Variants in LRTM2 observed in about 807,000 individuals in gnomAD.
LRTM2 encodes the protein leucine-rich repeat and transmembrane domain-containing protein 2.
LRTM2 carries 18 observed loss-of-function variants against 28.1 expected under a neutral mutation model. That is an observed-to-expected ratio of 0.64 (90% confidence interval 0.44 to 0.95). LRTM2 has a LOEUF of 0.95. Among genes scored for constraint, LRTM2 ranks in the 40% least tolerant of loss-of-function variants. LRTM2 has a pLI of 0.00. For synonymous variants in LRTM2, 250 were observed against 218.7 expected (o/e 1.14, Z -1.26); for missense variants, 436 against 497.2 (o/e 0.88, Z 1.17).
rs759826864 is a variant in LRTM2, at chr12:1,831,035, C to T, written c.168C>T (p.Gly56=). 4.3e-6 allele frequency: 7 copies of T among 1,614,136 alleles called. No homozygotes were observed. Among genetic ancestry groups the T allele is most frequent in the South Asian group, 3.3e-5 (3 of 91,090 alleles). The change falls in exon 4 of 5, where the codon GGC becomes GGT. Residue 56 remains glycine, a synonymous_variant. Transcript: ENST00000299194. ...DSRSLEVDCS[G]LGLTTVPPDV... ...GCAGCCTGGAGGTGGACTGCAGTGGCCTTGGCCTCACCACGGTGCCCCCAG... is the reference window on the plus strand; with the variant it reads ...GCAGCCTGGAGGTGGACTGCAGTGGTCTTGGCCTCACCACGGTGCCCCCAG...
chr12:1,826,103 C>T (rs752036024), intron 1 of LRTM2, among the ~76,000 whole-genome samples: 38 of 152,028 alleles, frequency 2.5e-4, no homozygotes, highest in East Asian at 1.2e-3. Context: ...TTGGTGGGAT[C>T]GGGAAAGAAA....
intron 1 of LRTM2, among the ~76,000 whole-genome samples, chr12:1,825,219 G>C (rs1035360039): frequency 6.6e-6 from 1 of 152,210 alleles, no homozygotes; most frequent in Non-Finnish European, 1.5e-5. Context: ...GGCTCACAGT[G>C]TGGGAGACAC....
Position 1,831,203 on chromosome 12 carries a change from C to T in LRTM2, c.336C>T (p.Phe112=), listed in dbSNP as rs560557931. 46 of 1,613,862 alleles carry T rather than the reference C, an allele frequency of 2.9e-5. No individual in the cohort carries two copies. In the East Asian group the frequency reaches 4.9e-4, roughly 17 times the overall value. Residue 112 remains phenylalanine, a synonymous_variant, in exon 4 of 5, where the codon TTC becomes TTT. Transcript: ENST00000299194. ...NFLDRLPRSI[F]GDLTNLTELQ... ...TGGACCGGCTGCCCCGCTCCATTTT[C>T]GGGGACCTGACGAATCTGACTGAGC...
Position 1,836,607 on chromosome 12 carries a change from T to C in LRTM2, c.*1886T>C, listed in dbSNP as rs2154447467. Reference sequence around the variant, plus strand: ...TTTTGGCGTGTGGGCTGGTACCAGATCTGGGGATTTTCTAAAGGGACTGGG... The same window carrying C: ...TTTTGGCGTGTGGGCTGGTACCAGACCTGGGGATTTTCTAAAGGGACTGGG... On this transcript the variant is annotated 3_prime_UTR_variant, in exon 5 of 5. Transcript: ENST00000299194. 1 of 152,628 alleles carries C rather than the reference T, an allele frequency of 6.6e-6. No homozygotes were observed. The highest frequency in any genetic ancestry group is 1.5e-5 in the Non-Finnish European group (1 of 68,058). The allele number at this position is 152,628 out of a possible 1,614,324, so 9.5% of individuals were successfully genotyped here. A position where few individuals can be genotyped will look rare whatever the true frequency, so the allele number is the denominator to read the frequency against.
chr12:1,824,335 C>T (rs974466992), intron 1 of LRTM2, among the ~76,000 whole-genome samples: 1 of 152,184 alleles, frequency 6.6e-6, no homozygotes, highest in Non-Finnish European at 1.5e-5. Context: ...TACAAGGCTC[C>T]CAAGCTAGAC....
At position 1,834,287 on chromosome 12, in the gene LRTM2, G is replaced by T; in HGVS notation, c.679G>T (p.Ala227Ser). The T allele has an allele frequency of 6.3e-7, 1 of 1,594,592 alleles. No homozygotes were observed. Among genetic ancestry groups the T allele is most frequent in the South Asian group, 1.1e-5 (1 of 88,076 alleles). Reference protein sequence around the residue: ...SYRGGRLDQLACTLPKELRGK... With the variant: ...SYRGGRLDQLSCTLPKELRGK... Reference sequence around the variant, plus strand: ...TGTAGGGGGACGCTTGGACCAGCTTGCCTGCACCCTGCCCAAGGAGCTGAG... The same window carrying T: ...TGTAGGGGGACGCTTGGACCAGCTTTCCTGCACCCTGCCCAAGGAGCTGAG... Residue 227 changes from alanine to serine, a missense_variant, in exon 5 of 5, where the codon GCC becomes TCC. Ala to Ser is a moderately conservative substitution (Grantham distance 99, BLOSUM62 1). Coordinates refer to ENST00000299194, the MANE Select transcript of LRTM2 (RefSeq NM_001039029.3). The surrounding 1 kb of genome is among the most constrained non-coding windows in gnomAD (Gnocchi z 7.6).
At chr12:1,821,509 A>T (rs548737858) in intron 1 of LRTM2, among the ~76,000 whole-genome samples, 220 of 152,342 alleles carry the variant, frequency 1.4e-3, no homozygotes, top group African/African-American at 4.8e-3. Context: ...AGGGCAAGAC[A>T]GGAGAACCAG....
intron 1 of LRTM2, among the ~76,000 whole-genome samples, chr12:1,825,931 CTGAG>C (rs1262515479): frequency 1.2e-4 from 19 of 152,314 alleles, no homozygotes; most frequent in Non-Finnish European, 1.2e-4. Flanking sequence ...ACATTCTTGA[CTGAG>C]TAAGAGAGAT....
At chr12:1,823,885 C>G (rs542921109) in intron 1 of LRTM2, among the ~76,000 whole-genome samples, 4 of 152,232 alleles carry the variant, frequency 2.6e-5, no homozygotes, top group Non-Finnish European at 5.9e-5. Flanking sequence ...TTTCCTACCT[C>G]TGCCTTTCCT....
Position 1,835,033 on chromosome 12 carries a change from T to G in LRTM2, c.*312T>G. ...CAAGAGGAGGCTTCCGGACTGGGCA[T>G]TCCCCTGTCGCCCTTCCTGCCCTGG... is the stretch of plus-strand genomic sequence containing the variant. On this transcript the variant is annotated 3_prime_UTR_variant, in exon 5 of 5. Transcript: ENST00000299194. 3.1e-6 allele frequency: 1 copy of G among 325,934 alleles called. No homozygotes were observed. The highest frequency in any genetic ancestry group is 5.6e-6 in the Non-Finnish European group (1 of 178,964). The allele number at this position is 325,934 out of a possible 1,614,324, so 20.2% of individuals were successfully genotyped here. A position where few individuals can be genotyped will look rare whatever the true frequency, so the allele number is the denominator to read the frequency against.
At position 1,835,023 on chromosome 12, in the gene LRTM2, G is replaced by A. The variant is rs983704132; in HGVS notation, c.*302G>A. 2.7e-5 allele frequency: 10 copies of A among 372,040 alleles called. No individual in the cohort carries two copies. The highest frequency in any genetic ancestry group is 2.6e-4 in the South Asian group (5 of 18,892). The allele number at this position is 372,040 out of a possible 1,614,324, so 23.0% of individuals were successfully genotyped here. On this transcript the variant is annotated 3_prime_UTR_variant, in exon 5 of 5. Transcript: ENST00000299194. ...GAGGTGTGTGCAAGAGGAGGCTTCC[G>A]GACTGGGCATTCCCCTGTCGCCCTT...
Position 1,834,403 on chromosome 12 carries a change from T to C in LRTM2, c.795T>C (p.Pro265=), listed in dbSNP as rs1864760858. The C allele has an allele frequency of 6.2e-7, 1 of 1,613,010 alleles. No individual in the cohort carries two copies. The highest frequency in any genetic ancestry group is 8.5e-7 in the Non-Finnish European group (1 of 1,179,992). ...ATAGCTCAGCTGGGCTGGATATTCC[T>C]GGGCCACCCTGCACCAAGGCCAGTC... ...DENSSAGLDI[P]GPPCTKASPE... Residue 265 remains proline (P), a synonymous_variant, in exon 5 of 5, where the codon CCT becomes CCC. Coordinates refer to ENST00000299194, the MANE Select transcript of LRTM2 (RefSeq NM_001039029.3). The surrounding 1 kb of genome is among the most constrained non-coding windows in gnomAD (Gnocchi z 7.6).
chr12:1,828,950 G>C lies in LRTM2; in HGVS notation c.67+735G>C, dbSNP rs1184008236. Among the ~76,000 whole-genome samples, 1 of 152,218 alleles carries C rather than the reference G, an allele frequency of 6.6e-6. No individual in the cohort carries two copies. Among genetic ancestry groups the C allele is most frequent in the Non-Finnish European group, 1.5e-5 (1 of 68,036 alleles). On this transcript the variant is annotated intron_variant, in intron 3 of 4. Transcript: ENST00000299194. The surrounding 1 kb of genome is among the most constrained non-coding windows in gnomAD (Gnocchi z 4.2). Reference sequence around the variant, plus strand: ...CTGCCCAAGGCTACACGGTGGCAGGGAGGAAACGGTCCCGCGGGACGGCAT... The same window carrying C: ...CTGCCCAAGGCTACACGGTGGCAGGCAGGAAACGGTCCCGCGGGACGGCAT...
intron 4 of LRTM2, among the ~76,000 whole-genome samples, chr12:1,832,852 A>G (rs7961866): frequency 0.12 from 17,811 of 152,310 alleles, 1,438 homozygotes; most frequent in Non-Finnish European, 0.17. Context: ...TAAATAAATT[A>G]AATAATTTTC....
chr12:1,830,822 T>G (rs1864588530), intron 3 of LRTM2, 113 bp from the exon 4 acceptor site: 1 of 853,766 alleles, frequency 1.2e-6, no homozygotes. Context: ...TTGTGGCTTG[T>G]GCCAAAGGAG....
chr12:1,831,207 G>A lies in LRTM2; in HGVS notation c.340G>A (p.Asp114Asn), dbSNP rs1161049823. 3.7e-6 allele frequency: 6 copies of A among 1,613,818 alleles called. No individual in the cohort carries two copies. Among genetic ancestry groups the A allele is most frequent in the Non-Finnish European group, 5.1e-6 (6 of 1,180,020 alleles). Reference protein sequence around the residue: ...LDRLPRSIFGDLTNLTELQLR... With the variant: ...LDRLPRSIFGNLTNLTELQLR... Reference sequence around the variant, plus strand: ...CCGGCTGCCCCGCTCCATTTTCGGGGACCTGACGAATCTGACTGAGCTTCA... The same window carrying A: ...CCGGCTGCCCCGCTCCATTTTCGGGAACCTGACGAATCTGACTGAGCTTCA... Residue 114 changes from aspartate (D) to asparagine (N), a missense_variant, in exon 4 of 5, where the codon GAC (aspartate) becomes AAC (asparagine). By Grantham distance (23) the Asp-to-Asn change is conservative. Coordinates refer to ENST00000299194, the MANE Select transcript of LRTM2 (RefSeq NM_001039029.3).
At position 1,834,862 on chromosome 12, in the gene LRTM2, C is replaced by G; in HGVS notation, c.*141C>G. 1 of 1,414,842 alleles carries G rather than the reference C, an allele frequency of 7.1e-7. No individual in the cohort carries two copies. Among genetic ancestry groups the G allele is most frequent in the Non-Finnish European group, 9.2e-7 (1 of 1,081,934 alleles). 87.6% of individuals were successfully genotyped at this position (1,414,842 alleles called of 1,614,324 possible). A position where few individuals can be genotyped will look rare whatever the true frequency, so the allele number is the denominator to read the frequency against. ...CCCGCCCTCCAGCAGACAAGCCACA[C>G]CGGGTTCTCTCCCTGCACTTTCGAG... On this transcript the variant is annotated 3_prime_UTR_variant, in exon 5 of 5. Coordinates refer to ENST00000299194, the MANE Select transcript of LRTM2 (RefSeq NM_001039029.3). The surrounding 1 kb of genome is among the most constrained non-coding windows in gnomAD (Gnocchi z 7.6).
At chr12:1,830,685 G>A (rs1864581730) in intron 3 of LRTM2, among the ~76,000 whole-genome samples, 1 of 152,204 alleles carries the variant, frequency 6.6e-6, no homozygotes, top group Non-Finnish European at 1.5e-5. Flanking sequence ...CCACTCAAGT[G>A]ATTCCTCTGC....
intron 3 of LRTM2, among the ~76,000 whole-genome samples, chr12:1,830,302 G>A (rs1282724660): frequency 6.6e-6 from 1 of 152,226 alleles, no homozygotes; most frequent in African/African-American, 2.4e-5. Context: ...CCAAACTGCT[G>A]GCGTCATCAT....
Sources: gnomAD v4.1 joint callset for allele counts (sites outside exome capture counted in the v4.1 genomes callset) on GRCh38, gnomAD v4.1.1 for gene constraint, Gnocchi (gnomAD v3.1) non-coding constraint, MANE v1.5 for transcripts, NCBI Gene and HGNC (gene_info 2026-07-23, HGNC 2026-07-21) for gene names.